Variants in GSE1 observed in about 807,000 individuals in gnomAD.
GSE1 encodes the protein Gse1 coiled-coil protein.
In GSE1, 32 loss-of-function variants were observed where a neutral mutation model predicts 112.6. The ratio of observed to expected loss-of-function variants is 0.28; its 90% CI spans 0.21 to 0.38. The LOEUF (loss-of-function observed/expected upper bound fraction) is 0.38. GSE1 is among the 10% of genes least tolerant of loss of function. The probability of loss-of-function intolerance (pLI) is 1.00; values close to 1 mark genes in which losing one functional copy is unlikely to be tolerated. For missense variants in GSE1, 2,348 were observed against 1,699.2 expected (o/e 1.38, Z -6.71); for synonymous variants, 1,115 against 735.6 (o/e 1.52, Z -8.35).
chr16:85,290,511 T>C lies in GSE1; in HGVS notation c.2284-66952T>C, dbSNP rs554734689. On this transcript the variant is annotated intron_variant, in intron 1 of 2. Transcript: ENST00000637419. Reference sequence around the variant, plus strand: ...TCCGTCACTTGCTTGGCCTTCTGTGTGTTCATTCCACAGCTGCCCTGTGCA... The same window carrying C: ...TCCGTCACTTGCTTGGCCTTCTGTGCGTTCATTCCACAGCTGCCCTGTGCA... Among the ~76,000 whole-genome samples the C allele has an allele frequency of 7.9e-4, 121 of 152,272 alleles. 1 individual carries two copies. The highest frequency in any genetic ancestry group is 2.7e-3 in the African/African-American group (112 of 41,552).
chr16:85,395,864 G>A (rs545582745), intron 2 of GSE1, among the ~76,000 whole-genome samples: 1 of 151,628 alleles, frequency 6.6e-6, no homozygotes, highest in East Asian at 2.0e-4. Context: ...CCCAGAGATG[G>A]GGAGAGAAGA....
At chr16:85,588,976 CAT>C (rs563365226) in intron 1 of GSE1, among the ~76,000 whole-genome samples, 6 of 152,306 alleles carry the variant, frequency 3.9e-5, no homozygotes, top group South Asian at 2.1e-4. Flanking sequence ...CACACTAACA[CAT>C]GTTCACACAT....
At chr16:85,489,130 C>A (rs925308261) in intron 2 of GSE1, among the ~76,000 whole-genome samples, 1 of 152,082 alleles carries the variant, frequency 6.6e-6, no homozygotes, top group Non-Finnish European at 1.5e-5. Context: ...GCCTGGGCAA[C>A]GCAGGAATGG....
intron 2 of GSE1, among the ~76,000 whole-genome samples, chr16:85,642,596 T>A (rs573737897): frequency 7.6e-4 from 115 of 152,204 alleles, no homozygotes; most frequent in African/African-American, 2.6e-3. Flanking sequence ...ACCGGAGCCG[T>A]CCCCTAGGGC....
intron 1 of GSE1, among the ~76,000 whole-genome samples, chr16:85,304,605 G>GGT (rs1555557443): frequency 1.1e-4 from 14 of 130,058 alleles, no homozygotes; most frequent in African/African-American, 2.1e-4. Flanking sequence ...CGGGGGCGGG[G>GGT]GGGTGGGGCA....
chr16:85,502,963 A>G lies in GSE1; in HGVS notation c.2465-130951A>G, dbSNP rs532757925. Among the ~76,000 whole-genome samples, 92 of 152,296 alleles carry G rather than the reference A, an allele frequency of 6.0e-4. 1 individual carries two copies. Among genetic ancestry groups the G allele is most frequent in the Middle Eastern group, 6.8e-3 (2 of 294 alleles). On this transcript the variant is annotated intron_variant, in intron 2 of 2. Coordinates refer to the GSE1 transcript ENST00000637419. ...GGAGGAGGATTATCGGAGGAGACAG[A>G]CAAGGTCCAGGGCTGGAGGGCGATG...
At chr16:85,632,206 G>T (rs1003780693) in intron 1 of GSE1, among the ~76,000 whole-genome samples, 4 of 152,260 alleles carry the variant, frequency 2.6e-5, no homozygotes, top group African/African-American at 9.6e-5. Context: ...GGGGCCCGCT[G>T]CTGCAGGGCA....
At chr16:85,498,112 G>A (rs183826295) in intron 2 of GSE1, among the ~76,000 whole-genome samples, 2 of 152,240 alleles carry the variant, frequency 1.3e-5, no homozygotes, top group East Asian at 3.9e-4. Context: ...CGTGCTGGCT[G>A]ATGAAGGAGA....
chr16:85,230,833 AGATG>A (rs201465688), intron 1 of GSE1, among the ~76,000 whole-genome samples: 2,986 of 150,220 alleles, frequency 0.02, 56 homozygotes, highest in African/African-American at 0.043. Flanking sequence ...GTGGAAGACT[AGATG>A]GATGGATGGA....
intron 2 of GSE1, among the ~76,000 whole-genome samples, chr16:85,433,120 G>A (rs1258713997): frequency 6.6e-6 from 1 of 152,048 alleles, no homozygotes; most frequent in Admixed American, 6.6e-5. Context: ...CCAGCCCCAG[G>A]CAGGTGCTCT....
At chr16:85,268,023 C>T (rs1196748808) in intron 1 of GSE1, among the ~76,000 whole-genome samples, 1 of 152,180 alleles carries the variant, frequency 6.6e-6, no homozygotes, top group Admixed American at 6.5e-5. Flanking sequence ...GCTCAAGTCA[C>T]TGCCTGGCAC....
At chr16:85,294,951 A>G (rs766992830) in intron 1 of GSE1, among the ~76,000 whole-genome samples, 9 of 151,326 alleles carry the variant, frequency 5.9e-5, no homozygotes, top group Admixed American at 2.0e-4. Flanking sequence ...GGGTCTCACT[A>G]TGTTGCCCAG....
intron 1 of GSE1, among the ~76,000 whole-genome samples, chr16:85,203,688 C>G (rs1385521906): frequency 1.3e-5 from 2 of 152,214 alleles, no homozygotes; most frequent in Non-Finnish European, 2.9e-5. Context: ...ATTCACCTGT[C>G]TCAAGTGTAC....
chr16:85,567,693 C>T (rs1194191629), intron 1 of GSE1, among the ~76,000 whole-genome samples: 2 of 152,194 alleles, frequency 1.3e-5, no homozygotes, highest in Non-Finnish European at 2.9e-5. Flanking sequence ...ACAAGCCTGC[C>T]CATTTTCAAC....
intron 2 of GSE1, among the ~76,000 whole-genome samples, chr16:85,383,311 T>C (rs2047601876): frequency 6.6e-6 from 1 of 151,066 alleles, no homozygotes; most frequent in African/African-American, 2.4e-5. Context: ...AACATGTACA[T>C]ACACAGTCCT....
intron 2 of GSE1, among the ~76,000 whole-genome samples, chr16:85,478,425 G>C (rs939047095): frequency 6.6e-6 from 1 of 151,764 alleles, no homozygotes; most frequent in African/African-American, 2.4e-5. Context: ...TACTCGGGAG[G>C]CTGAAGCAGG....
rs955197851 is a variant in GSE1, at chr16:85,202,489, C to T, written c.2283+30682C>T. ...CTCACTATGTTGCTGGTCTCAAACT[C>T]CTGGGCTCATGGTGGCGCTGATGGG... On this transcript the variant is annotated intron_variant, in intron 1 of 2. Coordinates refer to the GSE1 transcript ENST00000637419. Among the ~76,000 whole-genome samples, 61 of 152,170 alleles carry T rather than the reference C, an allele frequency of 4.0e-4. 2 individuals carry two copies. Among genetic ancestry groups the T allele is most frequent in the Non-Finnish European group, 7.3e-5 (5 of 68,032 alleles).
chr16:85,338,237 C>G (rs2046547402), intron 1 of GSE1, among the ~76,000 whole-genome samples: 1 of 152,252 alleles, frequency 6.6e-6, no homozygotes. Context: ...CTCAGCATCT[C>G]CAGATGCGCC....
intron 2 of GSE1, among the ~76,000 whole-genome samples, chr16:85,446,736 A>G (rs2049524860): frequency 6.6e-6 from 1 of 152,138 alleles, no homozygotes; most frequent in African/African-American, 2.4e-5. Context: ...AAGAGCGGGC[A>G]TGGTGGAGGC....
Sources: allele counts gnomAD v4.1 joint callset (sites outside exome capture counted in the v4.1 genomes callset), GRCh38; gene constraint gnomAD v4.1.1; transcripts MANE v1.5; gene names NCBI Gene and HGNC (gene_info 2026-07-23, HGNC 2026-07-21).